The following PJA2 variants were observed in gnomAD, a reference collection of about 807,000 sequenced individuals.
The protein encoded by PJA2 is E3 ubiquitin-protein ligase Praja-2.
Under a neutral mutation model 69.3 loss-of-function variants are expected in PJA2, and 25 were observed. That is an observed-to-expected ratio of 0.36 (90% CI 0.26 to 0.50). The LOEUF (loss-of-function observed/expected upper bound fraction) is 0.50, where lower values mean the gene tolerates loss of function less well. Among genes scored for constraint, PJA2 ranks in the 20% least tolerant of loss-of-function variants. PJA2 has a pLI of 0.96. For synonymous variants in PJA2, 308 were observed against 277.8 expected (o/e 1.11, Z -1.08); for missense variants, 809 against 830.2 (o/e 0.97, Z 0.31).
At chr5:109,367,602 T>C (rs1762606971) in intron 5 of PJA2, among the ~76,000 whole-genome samples, 1 of 152,098 alleles carries the variant, frequency 6.6e-6, no homozygotes, top group African/African-American at 2.4e-5. Flanking sequence ...AGAATACACA[T>C]CTTTTTAGCA....
At chr5:109,370,047 A>T in intron 4 of PJA2, among the ~76,000 whole-genome samples, 1 of 151,710 alleles carries the variant, frequency 6.6e-6, no homozygotes. Context: ...AAAAAAAAAA[A>T]AAAAAAAAGC....
intron 7 of PJA2, among the ~76,000 whole-genome samples, chr5:109,353,368 C>G (rs1240449852): frequency 1.5e-5 from 2 of 132,258 alleles, no homozygotes; most frequent in African/African-American, 5.5e-5. Context: ...ATATTAGATA[C>G]CTATTATATC....
In PJA2 at chr5:109,379,064, G is replaced by C. The variant is rs757061019; in HGVS notation, c.423C>G (p.His141Gln). 1.7e-5 allele frequency: 27 copies of C among 1,614,044 alleles called. No homozygotes were observed. The highest frequency in any genetic ancestry group is 2.3e-5 in the Non-Finnish European group (27 of 1,179,996). The change falls in exon 4 of 10, where the codon CAC becomes CAG. Residue 141 changes from histidine (H) to glutamine (Q), a missense_variant. Physicochemically the swap from His to Gln is conservative, Grantham distance 24 (BLOSUM62 0). Around this residue, in one of 4 missense-constraint regions of PJA2, gnomAD observed 700 missense variants for 639.5 expected, o/e 1.09. Transcript: ENST00000361189. ...CTCCTGGAATATACTCTCCCTCAGA[G>C]TGATTATGAAGATTTGTACTGCTTC... is the stretch of plus-strand genomic sequence containing the variant. ...TLGSSTNLHNHSEGEYIPGAC... is the reference protein window; with the variant it reads ...TLGSSTNLHNQSEGEYIPGAC...
At chr5:109,349,514 C>T (rs1762217026) in intron 7 of PJA2, among the ~76,000 whole-genome samples, 1 of 152,202 alleles carries the variant, frequency 6.6e-6, no homozygotes, top group Admixed American at 6.5e-5. Flanking sequence ...CCTCCCCCAG[C>T]ATCCATGTTG....
At chr5:109,356,341 A>G (rs1330070002) in intron 6 of PJA2, among the ~76,000 whole-genome samples, 4 of 152,228 alleles carry the variant, frequency 2.6e-5, no homozygotes, top group Non-Finnish European at 4.4e-5. Flanking sequence ...GTACAGGTTG[A>G]GCATCCCAAA....
Position 109,381,691 on chromosome 5 carries a change from T to G in PJA2, c.44A>C (p.Glu15Ala), listed in dbSNP as rs1173993648. The G allele has an allele frequency of 6.2e-7, 1 of 1,613,802 alleles. No homozygotes were observed. The highest frequency in any genetic ancestry group is 1.7e-5 in the Admixed American group (1 of 60,004). Reference protein sequence around the residue: ...TEKEPAAMDQESGKAVWPKPA... With the variant: ...TEKEPAAMDQASGKAVWPKPA... ...TTTGGGCCAGACAGCCTTACCAGAT[T>G]CTTGGTCCATTGCTGAAAAAAAAGT... The change falls in exon 3 of 10, where the codon GAA becomes GCA. Residue 15 changes from glutamate to alanine, a missense_variant. Physicochemically the swap from Glu to Ala is moderately radical, Grantham distance 107. This residue lies in a region of PJA2 where 700 missense variants were observed against 639.5 expected (regional missense o/e 1.09). Coordinates refer to ENST00000361189, the MANE Select transcript of PJA2 (RefSeq NM_014819.5).
rs758503010 is a variant in PJA2 at position 109,379,246 on chromosome 5, G to A, written c.241C>T (p.Pro81Ser). Residue 81 changes from proline to serine, a missense_variant, in exon 4 of 10, where the codon CCT becomes TCT. This residue lies in a region of PJA2 where 700 missense variants were observed against 639.5 expected (regional missense o/e 1.09). Coordinates refer to ENST00000361189, the MANE Select transcript of PJA2 (RefSeq NM_014819.5). ...VPKENSSGSS[P>S]LDQVDSSLPS... ...AAAGAAGAATCAACTTGATCCAAAG[G>A]ACTGGAACCTTCATAAAAAACAAAA... The A allele has an allele frequency of 6.3e-7, 1 of 1,582,578 alleles. No individual in the cohort carries two copies. The highest frequency in any genetic ancestry group is 1.2e-5 in the South Asian group (1 of 86,238).
chr5:109,380,086 CTTTTTTTTTTTTT>C (rs35217352), intron 3 of PJA2, among the ~76,000 whole-genome samples: 1 of 74,228 alleles, frequency 1.3e-5, no homozygotes, highest in African/African-American at 5.1e-5. Context: ...ACGAAGGGTT[CTTTTTTTTTTTTT>C]TTTTTTTTTT....
chr5:109,397,760 A>G (rs758241512), intron 1 of PJA2, among the ~76,000 whole-genome samples: 1 of 151,990 alleles, frequency 6.6e-6, no homozygotes, highest in Non-Finnish European at 1.5e-5. Context: ...CTGATCTCAA[A>G]TGATCCACCC....
intron 7 of PJA2, among the ~76,000 whole-genome samples, chr5:109,354,624 A>AT (rs1762379373): frequency 6.9e-6 from 1 of 145,372 alleles, no homozygotes; most frequent in Non-Finnish European, 1.5e-5. Context: ...ATCTATCGAT[A>AT]TTAGATATAT....
chr5:109,357,124 C>A (rs921290383), intron 6 of PJA2, among the ~76,000 whole-genome samples: 1 of 152,108 alleles, frequency 6.6e-6, no homozygotes, highest in Non-Finnish European at 1.5e-5. Context: ...AAACTTCCCC[C>A]GAAGCTCTTG....
intron 7 of PJA2, among the ~76,000 whole-genome samples, chr5:109,353,018 CTATAGATATCTATATATTAGATACCTA>C (rs1561344426): frequency 0.026 from 847 of 32,674 alleles, 33 homozygotes; most frequent in African/African-American, 0.13. Context: ...ATACCTATAT[CTATAGATATCTATATATTAGATACCTA>C]TATCATAGAC....
chr5:109,366,526 C>T (rs1279409128), intron 5 of PJA2, among the ~76,000 whole-genome samples: 4 of 152,224 alleles, frequency 2.6e-5, no homozygotes, highest in Non-Finnish European at 4.4e-5. Flanking sequence ...GACGTCATCC[C>T]TGACCACTTT....
At chr5:109,373,830 T>C (rs17161753) in intron 4 of PJA2, among the ~76,000 whole-genome samples, 9,391 of 152,256 alleles carry the variant, frequency 0.062, 392 homozygotes, top group African/African-American at 0.12. Flanking sequence ...AAAAACTTGA[T>C]ATACAGAATG....
intron 1 of PJA2, among the ~76,000 whole-genome samples, chr5:109,388,272 C>T (rs1178469666): frequency 2.6e-5 from 4 of 152,124 alleles, no homozygotes; most frequent in Admixed American, 6.5e-5. Flanking sequence ...TAAGGTCTTC[C>T]GGCAACAGCC....
intron 6 of PJA2, among the ~76,000 whole-genome samples, chr5:109,358,715 G>T (rs1267251941): frequency 6.6e-6 from 1 of 152,136 alleles, no homozygotes; most frequent in Non-Finnish European, 1.5e-5. Context: ...CAGCTACTTG[G>T]GAGGCTGAGG....
chr5:109,406,812 G>A (rs1351742738), intron 1 of PJA2, among the ~76,000 whole-genome samples: 1 of 152,152 alleles, frequency 6.6e-6, no homozygotes, highest in Non-Finnish European at 1.5e-5. Flanking sequence ...TAGGTGGAAT[G>A]GTCAACAAAC....
chr5:109,354,092 A>ATC (rs1762345560), intron 7 of PJA2, among the ~76,000 whole-genome samples: 1 of 95,046 alleles, frequency 1.1e-5, no homozygotes. Context: ...AGATATCTAT[A>ATC]TCTAGAGATA....
chr5:109,402,744 A>T (rs917992770), intron 1 of PJA2, among the ~76,000 whole-genome samples: 7 of 152,160 alleles, frequency 4.6e-5, no homozygotes, highest in Non-Finnish European at 8.8e-5. Flanking sequence ...ACTGAGAGTA[A>T]CCATATTCTG....
Sources: gnomAD v4.1 joint callset for allele counts (sites outside exome capture counted in the v4.1 genomes callset) on GRCh38, gnomAD v4.1.1 for gene constraint, gnomAD v4.1.1 regional missense constraint, MANE v1.5 for transcripts, NCBI Gene and HGNC (gene_info 2026-07-23, HGNC 2026-07-21) for gene names.